DTX2: variants seen among roughly 807,000 people sequenced by gnomAD.
DTX2 encodes the protein probable E3 ubiquitin-protein ligase DTX2.
In DTX2, 29 loss-of-function variants were observed where a neutral mutation model predicts 55.3. The ratio of observed to expected loss-of-function variants is 0.52; its 90% CI spans 0.39 to 0.71. The LOEUF is 0.71. DTX2 is among the 30% of genes least tolerant of loss of function. The pLI is 0.00. For missense variants in DTX2, 537 were observed against 822.5 expected (o/e 0.65, Z 4.25); for synonymous variants, 276 against 340.4 (o/e 0.81, Z 2.08).
chr7:76,505,481 C>A lies in DTX2; in HGVS notation c.1749C>A (p.His583Gln). The change falls in exon 11 of 11, where the codon CAC (histidine) becomes CAA (glutamine). Residue 583 changes from histidine to glutamine, a missense_variant. Physicochemically the swap from His to Gln is conservative, Grantham distance 24. Transcript: ENST00000430490. This position sits in a 1 kb window ranked among gnomAD's most constrained non-coding sequence, Gnocchi z 4.4. Reference protein sequence around the residue: ...TDTVVWNEIHHKTEMDRNITG... With the variant: ...TDTVVWNEIHQKTEMDRNITG... ...CCGTGGTATGGAACGAGATCCACCA[C>A]AAGACAGAGATGGACCGCAACATTA... The A allele has an allele frequency of 6.2e-7, 1 of 1,609,642 alleles. No homozygotes were observed.
chr7:76,472,818 A>G (rs1304442107), intron 2 of DTX2, among the ~76,000 whole-genome samples: 1 of 152,134 alleles, frequency 6.6e-6, no homozygotes, highest in Non-Finnish European at 1.5e-5. Flanking sequence ...CATTTTATTG[A>G]CTTCTATGGA....
In DTX2 at chr7:76,480,439, G is replaced by A; in HGVS notation, c.-71G>A. On this transcript the variant is annotated 5_prime_UTR_variant, in exon 3 of 11. Coordinates refer to ENST00000430490, the MANE Select transcript of DTX2 (RefSeq NM_001102594.3). ...TTCACAGATCTGCCGGAGGCGCTGG[G>A]CAATGACCCCGGGACTCCAGGCCAG... The A allele has an allele frequency of 6.9e-7, 1 of 1,452,780 alleles. No homozygotes were observed. The highest frequency in any genetic ancestry group is 2.3e-5 in the East Asian group (1 of 42,720). The allele number at this position is 1,452,780 out of a possible 1,614,324, so 90.0% of individuals were successfully genotyped here. A position where few individuals can be genotyped will look rare whatever the true frequency, so the allele number is the denominator to read the frequency against.
At chr7:76,476,515 A>C (rs576853161) in intron 2 of DTX2, among the ~76,000 whole-genome samples, 1 of 151,844 alleles carries the variant, frequency 6.6e-6, no homozygotes, top group East Asian at 1.9e-4. Flanking sequence ...GGTGGGGAGA[A>C]GGCCACTGAA....
At chr7:76,466,867 G>A (rs1807245170) in intron 2 of DTX2, among the ~76,000 whole-genome samples, 1 of 151,864 alleles carries the variant, frequency 6.6e-6, no homozygotes, top group Non-Finnish European at 1.5e-5. Context: ...CAAAGTGCTG[G>A]GATTACAGGT....
At position 76,505,267 on chromosome 7, in the gene DTX2, G is replaced by A. The variant is rs1317707654; in HGVS notation, c.1642-107G>A. The stretch of plus-strand genomic sequence containing the variant: ...GTGCCAGGGAGTGGATGAGTCACCT[G>A]GGAGGGGCTGGGATGGGAAGAACAT... On this transcript the variant is annotated intron_variant, in intron 10 of 10. Transcript: ENST00000430490. The surrounding 1 kb of genome is among the most constrained non-coding windows in gnomAD (Gnocchi z 4.4). The A allele has an allele frequency of 6.4e-6, 6 of 944,790 alleles. No individual in the cohort carries two copies. Among genetic ancestry groups the A allele is most frequent in the Middle Eastern group, 2.4e-4 (1 of 4,114 alleles). The allele number at this position is 944,790 out of a possible 1,614,324, so 58.5% of individuals were successfully genotyped here. A position where few individuals can be genotyped will look rare whatever the true frequency, so the allele number is the denominator to read the frequency against.
At chr7:76,468,447 C>CA (rs1463623788) in intron 2 of DTX2, among the ~76,000 whole-genome samples, 4 of 77,676 alleles carry the variant, frequency 5.1e-5, no homozygotes, top group Non-Finnish European at 9.9e-5. Context: ...GGCCCACTGC[C>CA]ATTTTTTTTT....
At chr7:76,501,094 G>A (rs1356282834) in intron 7 of DTX2, among the ~76,000 whole-genome samples, 5 of 151,260 alleles carry the variant, frequency 3.3e-5, no homozygotes, top group Non-Finnish European at 5.9e-5. Context: ...CGTTTTGGGG[G>A]CTGCAGCACC....
intron 2 of DTX2, among the ~76,000 whole-genome samples, chr7:76,464,767 G>T (rs987773367): frequency 2.0e-5 from 3 of 150,438 alleles, no homozygotes; most frequent in Admixed American, 2.0e-4. Flanking sequence ...TTCGCTTTGT[G>T]GCGGTCTTCT....
intron 2 of DTX2, among the ~76,000 whole-genome samples, chr7:76,472,367 C>T (rs2116245095): frequency 8.9e-6 from 1 of 112,726 alleles, no homozygotes; most frequent in East Asian, 2.9e-4. Flanking sequence ...CTCATGTTGC[C>T]CAGGCTGGAG....
Position 76,503,597 on chromosome 7 carries a change from C to T in DTX2, c.1551+10C>T, listed in dbSNP as rs1335569118. The T allele has an allele frequency of 7.5e-6, 12 of 1,604,974 alleles. No individual in the cohort carries two copies. In the African/African-American group the frequency reaches 1.5e-4, roughly 20 times the overall value. On this transcript the variant is annotated intron_variant, in intron 9 of 10. Coordinates refer to ENST00000430490, the MANE Select transcript of DTX2 (RefSeq NM_001102594.3). ...TCCCCATGGTATCCAGGTGAGGGGC[C>T]TTCTTGAGTCCCCCACTCCTGGCCA... is the stretch of plus-strand genomic sequence containing the variant.
chr7:76,480,378 A>G, intron 2 of DTX2, 43 bp from the exon 3 acceptor site: 3 of 1,113,258 alleles, frequency 2.7e-6, no homozygotes, highest in Non-Finnish European at 2.5e-6. Context: ...CTGCAGGGCT[A>G]CTGATGTGCA....
chr7:76,477,630 TC>T (rs1168030273), intron 2 of DTX2, among the ~76,000 whole-genome samples: 16 of 143,644 alleles, frequency 1.1e-4, no homozygotes. Context: ...GACCCCTGTC[TC>T]TACAAAAAAT....
At chr7:76,480,373 G>C in intron 2 of DTX2, 48 bp from the exon 3 acceptor site, 2 of 1,112,160 alleles carry the variant, frequency 1.8e-6, no homozygotes, top group Non-Finnish European at 2.5e-6. Flanking sequence ...TGATTCTGCA[G>C]GGCTACTGAT....
Position 76,471,514 on chromosome 7 carries a change from T to A in DTX2, c.-90+7805T>A, listed in dbSNP as rs1195633221. 3.3e-5 allele frequency among the ~76,000 whole-genome samples: 5 copies of A among 150,052 alleles called. No homozygotes were observed. In the South Asian group the frequency reaches 1.1e-3, roughly 32 times the overall value. On this transcript the variant is annotated intron_variant, in intron 2 of 10. Transcript: ENST00000430490. Reference sequence around the variant, plus strand: ...AAAGGGCTGTGTTCCTGGATGCGGGTTCCTGCTTGGCTGTTATTTATTTTT... The same window carrying A: ...AAAGGGCTGTGTTCCTGGATGCGGGATCCTGCTTGGCTGTTATTTATTTTT...
intron 4 of DTX2, among the ~76,000 whole-genome samples, chr7:76,491,090 G>C (rs1202510383): frequency 3.6e-5 from 5 of 137,272 alleles, no homozygotes; most frequent in Admixed American, 7.7e-5. Context: ...TCTGCTGCCC[G>C]AGGTTCAAGT....
chr7:76,499,454 C>T (rs1172909189), intron 6 of DTX2, among the ~76,000 whole-genome samples: 4 of 151,852 alleles, frequency 2.6e-5, no homozygotes, highest in Non-Finnish European at 1.5e-5. Context: ...GTTGTGAGCC[C>T]TCAGGCTTAG....
At chr7:76,499,368 A>T (rs35538069) in intron 6 of DTX2, among the ~76,000 whole-genome samples, 10 of 145,372 alleles carry the variant, frequency 6.9e-5, no homozygotes, top group African/African-American at 2.6e-4. Context: ...TCCAGCCTCC[A>T]CCCCACCACG....
At chr7:76,502,012 G>A (rs1448859341) in intron 7 of DTX2, 7 of 427,406 alleles carry the variant, frequency 1.6e-5, no homozygotes, top group South Asian at 9.7e-5. Context: ...TCAGCCTCCC[G>A]AGTAGCTGGG....
chr7:76,465,538 A>T (rs1258822187), intron 2 of DTX2, among the ~76,000 whole-genome samples: 50 of 95,610 alleles, frequency 5.2e-4, no homozygotes, highest in Admixed American at 1.0e-3. Flanking sequence ...TAGAAAGCAG[A>T]GTTGGAGAAG....
Sources: gnomAD v4.1 joint callset for allele counts (sites outside exome capture counted in the v4.1 genomes callset) on GRCh38, gnomAD v4.1.1 for gene constraint, Gnocchi (gnomAD v3.1) non-coding constraint, MANE v1.5 for transcripts, NCBI Gene and HGNC (gene_info 2026-07-23, HGNC 2026-07-21) for gene names.